The following ATP6V0D1 variants were observed in gnomAD, a reference collection of about 807,000 sequenced individuals.
ATP6V0D1 encodes ATPase H+ transporting V0 subunit d1, also known as V-type proton ATPase subunit d 1.
ATP6V0D1 carries 13 observed loss-of-function variants against 39.0 expected under a neutral mutation model. That is an observed-to-expected ratio of 0.33 (90% confidence interval 0.22 to 0.53). ATP6V0D1 has a LOEUF of 0.53. Among genes scored for constraint, ATP6V0D1 ranks in the 20% least tolerant of loss-of-function variants. The probability of loss-of-function intolerance (pLI) is 0.94; values close to 1 mark genes in which losing one functional copy is unlikely to be tolerated. For synonymous variants in ATP6V0D1, 191 were observed against 191.2 expected, an observed-to-expected ratio of 1.00 and a Z score of 0.01; for missense variants, 272 against 470.9, an observed-to-expected ratio of 0.58 and a Z score of 3.91.
At chr16:67,446,592 C>T (rs2041118470) in intron 2 of ATP6V0D1, among the ~76,000 whole-genome samples, 1 of 152,158 alleles carries the variant, frequency 6.6e-6, no homozygotes, top group South Asian at 2.1e-4. Context: ...GTCTGCAGCT[C>T]CAGCCTGCAT....
intron 1 of ATP6V0D1, among the ~76,000 whole-genome samples, chr16:67,469,878 G>A (rs1218604895): frequency 6.6e-6 from 1 of 152,092 alleles, no homozygotes; most frequent in Non-Finnish European, 1.5e-5. Flanking sequence ...CCTCTCCCCA[G>A]AGGTTGTCAC....
chr16:67,460,950 T>C (rs1433261654), intron 1 of ATP6V0D1, among the ~76,000 whole-genome samples: 1 of 152,136 alleles, frequency 6.6e-6, no homozygotes, highest in Non-Finnish European at 1.5e-5. Flanking sequence ...AAAACACTTG[T>C]GGAATCTCTC....
rs780313168 is a variant in ATP6V0D1 at position 67,439,337 on chromosome 16, G to A, written c.576C>T (p.Ser192=). Residue 192 remains serine, a synonymous_variant, in exon 5 of 8, where the codon TCC becomes TCT. Transcript: ENST00000290949. ...RNTLYKAYLE[S]FYKFCTLLGG... ...CCAGTAGGGTGCAGAACTTGTAGAA[G>A]GACTCCAGGTAGGCCTGTAGAGAGT... 10 of 1,613,990 alleles carry A rather than the reference G, an allele frequency of 6.2e-6. No individual in the cohort carries two copies. In the East Asian group the frequency reaches 1.8e-4, roughly 29 times the overall value.
intron 2 of ATP6V0D1, chr16:67,452,161 A>G: frequency 6.7e-7 from 1 of 1,491,870 alleles, no homozygotes; most frequent in Non-Finnish European, 8.9e-7. Context: ...GGGGAGCTGC[A>G]ATGTGACCCC....
At chr16:67,476,281 A>G (rs1456859287) in intron 1 of ATP6V0D1, among the ~76,000 whole-genome samples, 1 of 152,190 alleles carries the variant, frequency 6.6e-6, no homozygotes, top group African/African-American at 2.4e-5. Flanking sequence ...CTACAGGGTT[A>G]TATAAAAAAG....
intron 3 of ATP6V0D1, 26 bp from the exon 4 acceptor site, chr16:67,443,204 G>A: frequency 1.2e-6 from 2 of 1,611,732 alleles, no homozygotes; most frequent in Non-Finnish European, 1.7e-6. Flanking sequence ...GGTTTGAGGG[G>A]TGGGCAGGTG....
intron 1 of ATP6V0D1, among the ~76,000 whole-genome samples, chr16:67,472,111 G>T (rs2041378307): frequency 6.6e-6 from 1 of 152,118 alleles, no homozygotes; most frequent in African/African-American, 2.4e-5. Flanking sequence ...CATTCTCGCA[G>T]GCAGCAGCAG....
intron 5 of ATP6V0D1, 22 bp downstream of exon 5, chr16:67,439,252 A>G: frequency 3.1e-6 from 5 of 1,614,114 alleles, no homozygotes; most frequent in Non-Finnish European, 4.2e-6. Context: ...ACCAGCAGGC[A>G]GGAGGGCGGG....
At chr16:67,459,951 A>G (rs2041276376) in intron 1 of ATP6V0D1, among the ~76,000 whole-genome samples, 1 of 152,216 alleles carries the variant, frequency 6.6e-6, no homozygotes. Flanking sequence ...CTTGCTGGCC[A>G]GCTGGCCACA....
At chr16:67,448,625 A>C (rs2041143503) in intron 2 of ATP6V0D1, among the ~76,000 whole-genome samples, 1 of 146,548 alleles carries the variant, frequency 6.8e-6, no homozygotes, top group Admixed American at 6.9e-5. Flanking sequence ...GTGCCACTAC[A>C]TTCTGGCCTG....
chr16:67,438,702 G>A lies in ATP6V0D1; in HGVS notation c.895-13C>T, dbSNP rs957162203. ...TGTTCAGCTTTACCTGTGGACACGG[G>A]CAGATGTGGTGTCCAGGTGGCCATG... On this transcript the variant is annotated splice_polypyrimidine_tract_variant and intron_variant, in intron 7 of 7. Coordinates refer to ENST00000290949, the MANE Select transcript of ATP6V0D1 (RefSeq NM_004691.5). The A allele has an allele frequency of 6.2e-7, 1 of 1,614,226 alleles. No individual in the cohort carries two copies. Among genetic ancestry groups the A allele is most frequent in the Non-Finnish European group, 8.5e-7 (1 of 1,180,036 alleles).
intron 1 of ATP6V0D1, among the ~76,000 whole-genome samples, chr16:67,473,147 G>A (rs1463106451): frequency 6.6e-6 from 1 of 152,016 alleles, no homozygotes; most frequent in South Asian, 2.1e-4. Context: ...AGGCAGTTTC[G>A]TGTTTCTGAG....
chr16:67,465,007 G>T (rs375763971), intron 1 of ATP6V0D1, among the ~76,000 whole-genome samples: 1 of 152,234 alleles, frequency 6.6e-6, no homozygotes, highest in Non-Finnish European at 1.5e-5. Flanking sequence ...TGGACACACA[G>T]AGCAGGTGCC....
At chr16:67,476,450 T>A (rs1221248696) in intron 1 of ATP6V0D1, among the ~76,000 whole-genome samples, 1 of 152,218 alleles carries the variant, frequency 6.6e-6, no homozygotes, top group Non-Finnish European at 1.5e-5. Flanking sequence ...CATTAGTCAT[T>A]TTTGGAGGAT....
At position 67,444,579 on chromosome 16, in the gene ATP6V0D1, C is replaced by G; in HGVS notation, c.430G>C (p.Ala144Pro). Residue 144 changes from alanine to proline, a missense_variant, in exon 3 of 8, where the codon GCT becomes CCT. Transcript: ENST00000290949. The surrounding 1 kb of genome is among the most constrained non-coding windows in gnomAD (Gnocchi z 4.8). ...TTGTAGAGCTCAGCAGGTGTCTGAG[C>G]AATGTTCACGGCCTCCATCTGCTCG... ...SFEQMEAVNIAQTPAELYNAI... is the reference protein window; with the variant it reads ...SFEQMEAVNIPQTPAELYNAI... 1 of 1,613,252 alleles carries G rather than the reference C, an allele frequency of 6.2e-7. No individual in the cohort carries two copies. Among genetic ancestry groups the G allele is most frequent in the Non-Finnish European group, 8.5e-7 (1 of 1,179,434 alleles).
intron 1 of ATP6V0D1, among the ~76,000 whole-genome samples, chr16:67,480,536 G>A (rs1008458877): frequency 1.3e-5 from 2 of 152,118 alleles, no homozygotes; most frequent in Non-Finnish European, 2.9e-5. Context: ...AAAGACCTTA[G>A]TGTCTTGGCG....
chr16:67,442,738 C>G (rs528265758), intron 4 of ATP6V0D1, among the ~76,000 whole-genome samples: 3 of 152,286 alleles, frequency 2.0e-5, no homozygotes, highest in East Asian at 3.9e-4. Flanking sequence ...AAGTGCCTGT[C>G]CTTGCTGGCA....
intron 1 of ATP6V0D1, among the ~76,000 whole-genome samples, chr16:67,479,233 C>T (rs1278223587): frequency 3.6e-4 from 50 of 138,108 alleles, no homozygotes; most frequent in Middle Eastern, 9.1e-3. Flanking sequence ...TTTTTTGAGA[C>T]GGGGTCTCGC....
chr16:67,454,925 T>C (rs1292955616), intron 1 of ATP6V0D1: 1 of 152,390 alleles, frequency 6.6e-6, no homozygotes, highest in East Asian at 1.9e-4. Flanking sequence ...TCTCCCCCTC[T>C]TCCTTCAGAT....
Sources: allele counts gnomAD v4.1 joint callset (sites outside exome capture counted in the v4.1 genomes callset), GRCh38; gene constraint gnomAD v4.1.1; non-coding constraint Gnocchi (gnomAD v3.1); transcripts MANE v1.5; gene names NCBI Gene and HGNC (gene_info 2026-07-23, HGNC 2026-07-21).